Variants in CLASP1 observed in about 807,000 individuals in gnomAD.
CLASP1 encodes the protein CLIP-associating protein 1.
A neutral mutation model predicts 192.3 loss-of-function variants in CLASP1; 38 were observed. That is an observed-to-expected ratio of 0.20 (90% CI 0.15 to 0.26). The LOEUF (loss-of-function observed/expected upper bound fraction) is 0.26. Among genes scored for constraint, CLASP1 ranks in the 10% least tolerant of loss-of-function variants. CLASP1 has a pLI of 1.00. For missense variants in CLASP1, 1,433 were observed against 1,932.5 expected (o/e 0.74, Z 4.85); for synonymous variants, 691 against 712.8 (o/e 0.97, Z 0.49).
intron 2 of CLASP1, among the ~76,000 whole-genome samples, chr2:121,555,550 G>C (rs1234991489): frequency 6.6e-6 from 1 of 152,186 alleles, no homozygotes; most frequent in Non-Finnish European, 1.5e-5. Context: ...AGGAAAGAAT[G>C]TAAATATCAT....
intron 35 of CLASP1, 28 bp from the exon 37 acceptor site, chr2:121,365,312 C>T (rs1318345416): frequency 1.3e-6 from 2 of 1,594,142 alleles, no homozygotes; most frequent in East Asian, 4.5e-5. Flanking sequence ...ACATACGTCA[C>T]CTCGTGAGGA....
chr2:121,394,208 T>A (rs556193668), intron 30 of CLASP1, among the ~76,000 whole-genome samples: 4 of 152,172 alleles, frequency 2.6e-5, no homozygotes, highest in Non-Finnish European at 5.9e-5. Flanking sequence ...AAAATGTAAT[T>A]GAGGCCCTTA....
At chr2:121,494,748 C>T (rs1205475721) in intron 8 of CLASP1, among the ~76,000 whole-genome samples, 1 of 152,154 alleles carries the variant, frequency 6.6e-6, no homozygotes, top group Non-Finnish European at 1.5e-5. Flanking sequence ...GGGCCAACCA[C>T]GTTGGCTCAT....
At chr2:121,409,148 A>C in intron 24 of CLASP1, 1 of 968,988 alleles carries the variant, frequency 1.0e-6, no homozygotes, top group Non-Finnish European at 1.5e-6. Flanking sequence ...ACAGCAAAAC[A>C]TATCTTAGCA....
At chr2:121,437,752 G>T (rs2082551329) in intron 19 of CLASP1, among the ~76,000 whole-genome samples, 1 of 152,160 alleles carries the variant, frequency 6.6e-6, no homozygotes, top group Non-Finnish European at 1.5e-5. Context: ...TGGGCTTTCT[G>T]TCCTTTATGT....
chr2:121,421,133 C>T (rs749718059), intron 22 of CLASP1, among the ~76,000 whole-genome samples: 8 of 152,104 alleles, frequency 5.3e-5, no homozygotes, highest in Non-Finnish European at 1.0e-4. Flanking sequence ...CAAAGTAAAT[C>T]TAGTGGTGAC....
intron 2 of CLASP1, among the ~76,000 whole-genome samples, chr2:121,575,989 A>T (rs1225596799): frequency 6.6e-6 from 1 of 152,230 alleles, no homozygotes; most frequent in Non-Finnish European, 1.5e-5. Flanking sequence ...GCCAAAGCTA[A>T]CCTTTGAATC....
intron 32 of CLASP1, among the ~76,000 whole-genome samples, chr2:121,386,305 T>G (rs2073178440): frequency 6.6e-6 from 1 of 152,134 alleles, no homozygotes; most frequent in South Asian, 2.1e-4. Context: ...AGCTTACTGG[T>G]TTGTATTGTT....
At chr2:121,516,193 T>C (rs6730694) in intron 6 of CLASP1, among the ~76,000 whole-genome samples, 30,816 of 152,088 alleles carry the variant, frequency 0.2, 5,830 homozygotes, top group African/African-American at 0.5. Context: ...GTACAGGCCA[T>C]ATGAAGTCCC....
In CLASP1 at chr2:121,401,726, A is replaced by G. The variant is rs2076175736; in HGVS notation, c.2737-54T>C. 94 of 1,461,168 alleles carry G rather than the reference A, an allele frequency of 6.4e-5. 1 individual carries two copies. The South Asian group carries it at 1.0e-3, about 16-fold the overall frequency. The allele number at this position is 1,461,168 out of a possible 1,614,324, so 90.5% of individuals were successfully genotyped here. On this transcript the variant is annotated intron_variant, in intron 27 of 39. Coordinates refer to ENST00000263710, the Ensembl canonical transcript of CLASP1. ...ACATATTGAATTCACGATCTCCTCCAAAGTCTACAAAACATTAAAAATGCC... is the reference window on the plus strand; with the variant it reads ...ACATATTGAATTCACGATCTCCTCCGAAGTCTACAAAACATTAAAAATGCC...
intron 16 of CLASP1, among the ~76,000 whole-genome samples, chr2:121,450,639 T>C (rs1433491642): frequency 1.3e-5 from 2 of 152,214 alleles, no homozygotes; most frequent in Admixed American, 6.5e-5. Flanking sequence ...ACATTGAGCA[T>C]GTATACAACT....
intron 8 of CLASP1, among the ~76,000 whole-genome samples, chr2:121,475,735 T>C (rs1166175576): frequency 6.6e-6 from 1 of 152,344 alleles, no homozygotes; most frequent in Non-Finnish European, 1.5e-5. Context: ...CATTTTCACA[T>C]AATACATATG....
Position 121,445,438 on chromosome 2 carries a change from G to C in CLASP1, c.1912+1899C>G, listed in dbSNP as rs982209637. On this transcript the variant is annotated intron_variant, in intron 19 of 39. Coordinates refer to ENST00000263710, the Ensembl canonical transcript of CLASP1. ...TACACGTCCAGCAGCAAAAGCTGTC[G>C]AGCATGGTACCTGAGTCCAGGCCTA... is the stretch of plus-strand genomic sequence containing the variant. 4 of 1,287,998 alleles carry C rather than the reference G, an allele frequency of 3.1e-6. No homozygotes were observed. The African/African-American group carries it at 6.1e-5, about 20-fold the overall frequency. 79.8% of individuals were successfully genotyped at this position (1,287,998 alleles called of 1,614,324 possible).
intron 21 of CLASP1, among the ~76,000 whole-genome samples, chr2:121,426,431 G>A (rs1020970792): frequency 2.0e-5 from 3 of 152,068 alleles, no homozygotes; most frequent in Admixed American, 6.5e-5. Context: ...CATACTTACC[G>A]AAAGACCTCA....
intron 2 of CLASP1, among the ~76,000 whole-genome samples, chr2:121,578,945 A>G (rs917456803): frequency 6.6e-6 from 1 of 152,192 alleles, no homozygotes; most frequent in Admixed American, 6.5e-5. Context: ...TCATCCTGTT[A>G]AAGTGTACAA....
intron 23 of CLASP1, among the ~76,000 whole-genome samples, chr2:121,413,004 T>C (rs1230150190): frequency 6.6e-6 from 1 of 152,180 alleles, no homozygotes; most frequent in Admixed American, 6.5e-5. Flanking sequence ...TTGCCTGTAA[T>C]CCCAGCACTC....
chr2:121,514,161 T>A (rs2094220475), intron 7 of CLASP1, among the ~76,000 whole-genome samples: 1 of 152,198 alleles, frequency 6.6e-6, no homozygotes. Context: ...ATTTGCTAGT[T>A]TGCTGTGGTT....
rs1290143240 is a variant in CLASP1 at position 121,473,250 on chromosome 2, AAG to A, written c.713-3292_713-3291del. 3.9e-5 allele frequency among the ~76,000 whole-genome samples: 6 copies of A among 152,314 alleles called. No individual in the cohort carries two copies. In the East Asian group the frequency reaches 5.8e-4, roughly 15 times the overall value. On this transcript the variant is annotated intron_variant, in intron 8 of 39. Coordinates refer to ENST00000263710, the Ensembl canonical transcript of CLASP1. ...AAATACATAGACATTCATAAGAAAAAAGAAAGTTTTTTTAAAGAATCCAATGG... is the reference window on the plus strand; with the variant it reads ...AAATACATAGACATTCATAAGAAAAAAAAGTTTTTTTAAAGAATCCAATGG...
chr2:121,483,554 G>GTA (rs71927588), intron 8 of CLASP1, among the ~76,000 whole-genome samples: 3 of 151,140 alleles, frequency 2.0e-5, no homozygotes, highest in Admixed American at 1.3e-4. Flanking sequence ...ATATGTGTGT[G>GTA]TATATATATG....
Sources: gnomAD v4.1 joint callset for allele counts (sites outside exome capture counted in the v4.1 genomes callset) on GRCh38, gnomAD v4.1.1 for gene constraint, MANE v1.5 for transcripts, NCBI Gene and HGNC (gene_info 2026-07-23, HGNC 2026-07-21) for gene names.